HDGFL2: variants seen among roughly 807,000 people sequenced by gnomAD.
HDGFL2 encodes the protein HDGF like 2.
Under a neutral mutation model 77.1 loss-of-function variants are expected in HDGFL2, and 36 were observed. That is an observed-to-expected ratio of 0.47 (90% CI 0.36 to 0.62). HDGFL2 has a LOEUF of 0.62. HDGFL2 is among the 20% of genes least tolerant of loss of function. The probability of loss-of-function intolerance (pLI) is 0.00; values close to 1 mark genes in which losing one functional copy is unlikely to be tolerated. For synonymous variants in HDGFL2, 463 were observed against 413.1 expected, an observed-to-expected ratio of 1.12 and a Z score of -1.46; for missense variants, 976 against 973.4, an observed-to-expected ratio of 1.00 and a Z score of -0.04.
intron 9 of HDGFL2, among the ~76,000 whole-genome samples, chr19:4,495,101 G>C (rs1051980642): frequency 6.6e-6 from 1 of 152,004 alleles, no homozygotes; most frequent in South Asian, 2.1e-4. Flanking sequence ...AAAAGGCTCC[G>C]AATGGGCTGG....
intron 3 of HDGFL2, among the ~76,000 whole-genome samples, chr19:4,485,124 T>C (rs1014115796): frequency 1.5e-4 from 23 of 152,236 alleles, no homozygotes; most frequent in African/African-American, 5.5e-4. Flanking sequence ...TTTCAACGCT[T>C]CACAAAGGAA....
intron 12 of HDGFL2, 134 bp from the exon 13 acceptor site, chr19:4,498,679 GC>G (rs1208286050): frequency 1.2e-5 from 8 of 644,436 alleles, no homozygotes; most frequent in Admixed American, 7.8e-5. Context: ...CTGGACGGGG[GC>G]TGAGGGGAGC....
At chr19:4,489,731 C>A (rs761297997) in intron 4 of HDGFL2, among the ~76,000 whole-genome samples, 3 of 152,072 alleles carry the variant, frequency 2.0e-5, no homozygotes, top group Non-Finnish European at 2.9e-5. Flanking sequence ...AATTGTTTTT[C>A]AGTATGCATT....
Position 4,475,514 on chromosome 19 carries a change from G to C in HDGFL2, c.219G>C (p.Lys73Asn). The C allele has an allele frequency of 6.2e-7, 1 of 1,604,238 alleles. No individual in the cohort carries two copies. Among genetic ancestry groups the C allele is most frequent in the Non-Finnish European group, 8.5e-7 (1 of 1,177,572 alleles). The change falls in exon 3 of 16, where the codon AAG becomes AAC. Residue 73 changes from lysine (K) to asparagine (N), a missense_variant. Lys to Asn is a moderately conservative substitution (Grantham distance 94, BLOSUM62 0). Around this residue, in one of 5 missense-constraint regions of HDGFL2, gnomAD observed 103 missense variants for 145.7 expected, o/e 0.71. Coordinates refer to ENST00000616600, the MANE Select transcript of HDGFL2 (RefSeq NM_001001520.3). ...AAGACAAGTACGGGAAGCCCAACAA[G>C]AGGAAAGGCTTCAATGAAGGGCTGT... ...KCKDKYGKPN[K>N]RKGFNEGLWE...
intron 3 of HDGFL2, among the ~76,000 whole-genome samples, chr19:4,480,259 A>G (rs1640667089): frequency 6.6e-6 from 1 of 152,280 alleles, no homozygotes; most frequent in African/African-American, 2.4e-5. Context: ...TGAGCAACAG[A>G]GCTGAGCTGG....
chr19:4,492,969 G>GT (rs1190986750), intron 6 of HDGFL2, among the ~76,000 whole-genome samples: 1 of 133,264 alleles, frequency 7.5e-6, no homozygotes, highest in African/African-American at 2.9e-5. Context: ...AGTTGTCTGT[G>GT]GTGTGTGGTG....
chr19:4,483,257 CTCGTTT>C (rs1975267741), intron 3 of HDGFL2, among the ~76,000 whole-genome samples: 1 of 152,196 alleles, frequency 6.6e-6, no homozygotes, highest in Non-Finnish European at 1.5e-5. Context: ...ACACCCGGTT[CTCGTTT>C]TCCTTGTGTG....
chr19:4,475,944 C>G (rs1975061702), intron 3 of HDGFL2, among the ~76,000 whole-genome samples: 1 of 150,684 alleles, frequency 6.6e-6, no homozygotes, highest in Non-Finnish European at 1.5e-5. Context: ...GGATGGAGTG[C>G]AGTGGCGCGA....
intron 3 of HDGFL2, among the ~76,000 whole-genome samples, chr19:4,484,069 G>A (rs564896611): frequency 1.0e-4 from 15 of 150,038 alleles, no homozygotes; most frequent in East Asian, 4.0e-4. Context: ...GATTACAGGC[G>A]TGAGCCACTG....
At chr19:4,496,698 G>A (rs1006183184) in intron 10 of HDGFL2, among the ~76,000 whole-genome samples, 1 of 152,044 alleles carries the variant, frequency 6.6e-6, no homozygotes, top group Non-Finnish European at 1.5e-5. Context: ...TGGAGCGGGT[G>A]GAGGCTGGGG....
intron 12 of HDGFL2, 119 bp from the exon 13 acceptor site, chr19:4,498,695 C>G: frequency 1.5e-6 from 1 of 687,278 alleles, no homozygotes; most frequent in Non-Finnish European, 2.6e-6. Flanking sequence ...GGGAGCTGTT[C>G]TGCAGATACA....
intron 3 of HDGFL2, among the ~76,000 whole-genome samples, chr19:4,479,587 A>G (rs1975161412): frequency 6.9e-6 from 1 of 145,966 alleles, no homozygotes; most frequent in Non-Finnish European, 1.5e-5. Flanking sequence ...TCTAAAAAAA[A>G]AAAAAAAGAA....
intron 1 of HDGFL2, among the ~76,000 whole-genome samples, chr19:4,473,755 T>C (rs993165454): frequency 6.6e-6 from 1 of 151,488 alleles, no homozygotes; most frequent in Non-Finnish European, 1.5e-5. Flanking sequence ...AACTGGACCT[T>C]AGAATGAAGT....
chr19:4,472,913 G>A (rs1974981837), intron 1 of HDGFL2, among the ~76,000 whole-genome samples: 1 of 151,114 alleles, frequency 6.6e-6, no homozygotes, highest in Non-Finnish European at 1.5e-5. Flanking sequence ...GGGGCCCTGG[G>A]CCTCAGGGGG....
intron 10 of HDGFL2, chr19:4,497,347 G>T (rs1263355740): frequency 4.7e-5 from 16 of 339,194 alleles, no homozygotes. Flanking sequence ...ACAGGTGTGT[G>T]CCACCACACC....
Position 4,475,322 on chromosome 19 carries a change from C to T in HDGFL2, c.120C>T (p.Tyr40=), listed in dbSNP as rs746676609. 3.7e-6 allele frequency: 6 copies of T among 1,613,972 alleles called. No homozygotes were observed. The highest frequency in any genetic ancestry group is 5.1e-6 in the Non-Finnish European group (6 of 1,180,018). The change falls in exon 2 of 16, where the codon TAC becomes TAT. Residue 40 remains tyrosine (Y), a synonymous_variant. Coordinates refer to ENST00000616600, the MANE Select transcript of HDGFL2 (RefSeq NM_001001520.3). ...CCGTGAAGCCCCCACCCAACAAGTA[C>T]CCCATCTTTTTCTTTGGCACACACG... ...DGAVKPPPNK[Y]PIFFFGTHET...
intron 4 of HDGFL2, among the ~76,000 whole-genome samples, chr19:4,489,204 C>G (rs1472848631): frequency 6.6e-6 from 1 of 151,292 alleles, no homozygotes; most frequent in Non-Finnish European, 1.5e-5. Context: ...CTGCCTGCCT[C>G]GGTCTCTCAA....
chr19:4,491,249 A>ACCCCCCCC (rs1975499381), intron 4 of HDGFL2, among the ~76,000 whole-genome samples: 27 of 39,466 alleles, frequency 6.8e-4, no homozygotes, highest in Admixed American at 1.7e-3. Flanking sequence ...CACTCCCACC[A>ACCCCCCCC]CCCACCCCCC....
chr19:4,472,579 C>T (rs1362342437), intron 1 of HDGFL2, among the ~76,000 whole-genome samples, 157 bp downstream of exon 1: 3 of 148,866 alleles, frequency 2.0e-5, no homozygotes, highest in Non-Finnish European at 4.5e-5. Flanking sequence ...TGTCCGAGAC[C>T]CGCAGCGGCC....
Sources: gnomAD v4.1 joint callset for allele counts (sites outside exome capture counted in the v4.1 genomes callset) on GRCh38, gnomAD v4.1.1 for gene constraint, gnomAD v4.1.1 regional missense constraint, MANE v1.5 for transcripts, NCBI Gene and HGNC (gene_info 2026-07-23, HGNC 2026-07-21) for gene names.